The following GHR variants were observed in gnomAD, a reference collection of about 807,000 sequenced individuals.
GHR encodes the protein growth hormone receptor, also known as GH receptor.
In GHR, 35 loss-of-function variants were observed where a neutral mutation model predicts 67.1. The observed-to-expected ratio is 0.52, with a 90% CI of 0.40 to 0.69. The LOEUF (loss-of-function observed/expected upper bound fraction) is 0.69. GHR is among the 30% of genes least tolerant of loss of function. The pLI, the probability that GHR is intolerant of heterozygous loss-of-function variation, is 0.00. For missense variants in GHR, 792 were observed against 764.6 expected (o/e 1.04, Z -0.42); for synonymous variants, 272 against 269.1 (o/e 1.01, Z -0.10).
intron 1 of GHR, among the ~76,000 whole-genome samples, chr5:42,461,263 G>A (rs1744477164): frequency 6.6e-6 from 1 of 152,096 alleles, no homozygotes; most frequent in Non-Finnish European, 1.5e-5. Context: ...TACCACAGTG[G>A]ACCTTTTTTC....
At chr5:42,516,862 A>AT (rs1363039829) in intron 1 of GHR, among the ~76,000 whole-genome samples, 1 of 152,140 alleles carries the variant, frequency 6.6e-6, no homozygotes, top group African/African-American at 2.4e-5. Context: ...CTGTCAAAAG[A>AT]TTTTTTATGG....
rs1745579322 is a variant in GHR, at chr5:42,480,549, T to C, written c.-12+56594T>C. Among the ~76,000 whole-genome samples, 5 of 152,244 alleles carry C rather than the reference T, an allele frequency of 3.3e-5. No individual in the cohort carries two copies. The South Asian group carries it at 1.0e-3, about 31-fold the overall frequency. ...GTCTCTTAGTACGTCACTAAGGACT[T>C]GCTTTATGAATCTGGGTGCTCCTGT... is the stretch of plus-strand genomic sequence containing the variant. On this transcript the variant is annotated intron_variant, in intron 1 of 9. Coordinates refer to ENST00000230882, the MANE Select transcript of GHR (RefSeq NM_000163.5).
intron 2 of GHR, among the ~76,000 whole-genome samples, chr5:42,583,982 TCTC>T (rs1751340070): frequency 2.6e-5 from 4 of 151,830 alleles, no homozygotes; most frequent in Admixed American, 2.0e-4. Context: ...GACACTGTGT[TCTC>T]CTACTGTTCC....
intron 3 of GHR, among the ~76,000 whole-genome samples, chr5:42,637,464 A>C (rs1754256115): frequency 6.6e-6 from 1 of 151,812 alleles, no homozygotes; most frequent in South Asian, 2.1e-4. Flanking sequence ...AATCTTCACC[A>C]CTCTAGTAGT....
chr5:42,651,858 G>C (rs1220929020), intron 3 of GHR, among the ~76,000 whole-genome samples: 1 of 151,970 alleles, frequency 6.6e-6, no homozygotes, highest in Non-Finnish European at 1.5e-5. Context: ...AAATTAGCCA[G>C]AAAAACTTCT....
intron 3 of GHR, among the ~76,000 whole-genome samples, chr5:42,682,325 T>C (rs1432592914): frequency 6.6e-6 from 1 of 152,214 alleles, no homozygotes; most frequent in Admixed American, 6.5e-5. Context: ...GATTTAATCT[T>C]TAAAAATCAT....
intron 2 of GHR, among the ~76,000 whole-genome samples, chr5:42,586,079 C>G (rs1206466521): frequency 2.0e-5 from 3 of 152,112 alleles, no homozygotes; most frequent in Admixed American, 6.5e-5. Context: ...CTATGGCACA[C>G]AAATGTTTAA....
At chr5:42,562,224 A>G (rs1749647793) in intron 1 of GHR, among the ~76,000 whole-genome samples, 1 of 152,170 alleles carries the variant, frequency 6.6e-6, no homozygotes, top group Non-Finnish European at 1.5e-5. Context: ...GTACAATCCA[A>G]TTGAATGTCA....
At chr5:42,524,483 G>A (rs1747616484) in intron 1 of GHR, among the ~76,000 whole-genome samples, 1 of 152,194 alleles carries the variant, frequency 6.6e-6, no homozygotes, top group Non-Finnish European at 1.5e-5. Context: ...GCCATTAAAA[G>A]CATTTCATTG....
intron 6 of GHR, among the ~76,000 whole-genome samples, chr5:42,700,267 G>C (rs1337291408): frequency 1.3e-5 from 2 of 152,152 alleles, no homozygotes; most frequent in Non-Finnish European, 2.9e-5. Flanking sequence ...TTTAACTTTA[G>C]AGCAAAATTA....
At chr5:42,639,064 AAG>A (rs1754341759) in intron 3 of GHR, among the ~76,000 whole-genome samples, 1 of 152,164 alleles carries the variant, frequency 6.6e-6, no homozygotes, top group Non-Finnish European at 1.5e-5. Flanking sequence ...AGTATTATTA[AAG>A]ATACTCCATC....
chr5:42,712,250 A>G (rs939954692), intron 7 of GHR, among the ~76,000 whole-genome samples: 1 of 152,154 alleles, frequency 6.6e-6, no homozygotes, highest in African/African-American at 2.4e-5. Flanking sequence ...GAAAATTTCT[A>G]TAGCACCATT....
At chr5:42,509,393 A>G (rs1746915617) in intron 1 of GHR, among the ~76,000 whole-genome samples, 2 of 152,112 alleles carry the variant, frequency 1.3e-5, no homozygotes, top group South Asian at 4.2e-4. Flanking sequence ...TCCAACAATT[A>G]CTTCTCATAC....
intron 3 of GHR, among the ~76,000 whole-genome samples, chr5:42,664,871 C>G (rs1755869676): frequency 6.6e-6 from 1 of 152,164 alleles, no homozygotes; most frequent in South Asian, 2.1e-4. Flanking sequence ...TATCCAGAAT[C>G]TACAATGAAC....
At chr5:42,466,962 T>G (rs1744758840) in intron 1 of GHR, 2 of 1,556,162 alleles carry the variant, frequency 1.3e-6, no homozygotes, top group African/African-American at 2.7e-5. Context: ...ACTTCTTATA[T>G]TCATAGGGCT....
At chr5:42,492,224 G>A (rs1427027001) in intron 1 of GHR, among the ~76,000 whole-genome samples, 1 of 152,160 alleles carries the variant, frequency 6.6e-6, no homozygotes, top group Non-Finnish European at 1.5e-5. Context: ...CTGGCAAAAG[G>A]CTGAATTTTT....
intron 3 of GHR, among the ~76,000 whole-genome samples, chr5:42,674,495 T>C (rs1756473737): frequency 6.6e-6 from 1 of 152,190 alleles, no homozygotes; most frequent in African/African-American, 2.4e-5. Context: ...TACCCATTAG[T>C]AGTCACTCCC....
At position 42,565,941 on chromosome 5, in the gene GHR, G is replaced by A. The variant is rs1749905585; in HGVS notation, c.67G>A (p.Glu23Lys). 1.9e-6 allele frequency: 3 copies of A among 1,614,084 alleles called. No individual in the cohort carries two copies. Among genetic ancestry groups the A allele is most frequent in the Non-Finnish European group, 2.5e-6 (3 of 1,179,948 alleles). The change falls in exon 2 of 10, where the codon GAG becomes AAG. Residue 23 changes from glutamate (E) to lysine (K), a missense_variant. By Grantham distance (56) the Glu-to-Lys change is moderately conservative. Coordinates refer to ENST00000230882, the MANE Select transcript of GHR (RefSeq NM_000163.5). ...ATCAAGTGATGCTTTTTCTGGAAGT[G>A]AGGGTGAGTTCTGCTTTTCCATTTC... ...AGSSDAFSGS[E>K]ATAAILSRAP...
chr5:42,525,216 G>A (rs1747655900), intron 1 of GHR, among the ~76,000 whole-genome samples: 1 of 152,312 alleles, frequency 6.6e-6, no homozygotes, highest in Middle Eastern at 3.4e-3. Flanking sequence ...ACAGGAGGGA[G>A]ACTGTACTCT....
Sources: allele counts gnomAD v4.1 joint callset (sites outside exome capture counted in the v4.1 genomes callset), GRCh38; gene constraint gnomAD v4.1.1; transcripts MANE v1.5; gene names NCBI Gene and HGNC (gene_info 2026-07-23, HGNC 2026-07-21).